KAT6B: variants seen among roughly 807,000 people sequenced by gnomAD.
KAT6B encodes lysine acetyltransferase 6B.
Under a neutral mutation model 187.5 loss-of-function variants are expected in KAT6B, and 10 were observed. The ratio of observed to expected loss-of-function variants is 0.05; its 90% CI spans 0.03 to 0.09. KAT6B has a LOEUF of 0.09. Among genes scored for constraint, KAT6B ranks in the 10% least tolerant of loss-of-function variants. The pLI is 1.00. For missense variants in KAT6B, 1,952 were observed against 2,558.9 expected, an observed-to-expected ratio of 0.76 and a Z score of 5.12; for synonymous variants, 861 against 926.8, an observed-to-expected ratio of 0.93 and a Z score of 1.29.
chr10:74,873,942 A>C (rs1463830937), intron 3 of KAT6B, among the ~76,000 whole-genome samples: 2 of 152,198 alleles, frequency 1.3e-5, no homozygotes, highest in Non-Finnish European at 1.5e-5. Flanking sequence ...ACCAAAATAT[A>C]GGCATGAAAT....
chr10:74,878,360 A>G (rs943973250), intron 3 of KAT6B, among the ~76,000 whole-genome samples: 4 of 152,174 alleles, frequency 2.6e-5, no homozygotes, highest in Non-Finnish European at 4.4e-5. Flanking sequence ...AACTAATGCT[A>G]ATGTTGCGGG....
chr10:74,945,013 C>T (rs1206706858), intron 3 of KAT6B, among the ~76,000 whole-genome samples: 1 of 152,158 alleles, frequency 6.6e-6, no homozygotes, highest in East Asian at 1.9e-4. Context: ...CTAGCAGTTC[C>T]ACTCCTAGGT....
At chr10:74,911,973 T>C (rs1489005351) in intron 3 of KAT6B, among the ~76,000 whole-genome samples, 2 of 152,106 alleles carry the variant, frequency 1.3e-5, no homozygotes, top group Admixed American at 1.3e-4. Context: ...GCCCACCTAA[T>C]TTTTAATTTT....
At chr10:75,011,702 AG>A (rs1161046335) in intron 13 of KAT6B, among the ~76,000 whole-genome samples, 3 of 152,194 alleles carry the variant, frequency 2.0e-5, no homozygotes, top group Non-Finnish European at 4.4e-5. Context: ...TATCATAGTC[AG>A]TCACCTTATT....
chr10:75,021,128 T>C lies in KAT6B; in HGVS notation c.2864T>C (p.Phe955Ser). The C allele has an allele frequency of 6.2e-7, 1 of 1,613,924 alleles. No homozygotes were observed. The highest frequency in any genetic ancestry group is 1.1e-5 in the South Asian group (1 of 91,080). The change falls in exon 15 of 18, where the codon TTT (phenylalanine) becomes TCT (serine). Residue 955 changes from phenylalanine to serine, a missense_variant and splice_region_variant. By Grantham distance (155) the Phe-to-Ser change is radical. This residue lies in a region of KAT6B where 758 missense variants were observed against 891.4 expected (regional missense o/e 0.85). Coordinates refer to ENST00000287239, the MANE Select transcript of KAT6B (RefSeq NM_012330.4). ...TGTTCTGCCTTATCACATTACAGAT[T>C]TGTCATCATTAGACGGGAAAAGTTG... ...LHMIDKRDGRFVIIRREKLIL... is the reference protein window; with the variant it reads ...LHMIDKRDGRSVIIRREKLIL...
chr10:74,981,173 A>G (rs1284593982), intron 10 of KAT6B, among the ~76,000 whole-genome samples: 1 of 152,212 alleles, frequency 6.6e-6, no homozygotes, highest in Non-Finnish European at 1.5e-5. Context: ...CTTTCTTTAT[A>G]TAGGATATTT....
chr10:75,031,074 G>C lies in KAT6B; in HGVS notation c.*28G>C. The C allele has an allele frequency of 6.2e-7, 1 of 1,612,448 alleles. No homozygotes were observed. The highest frequency in any genetic ancestry group is 8.5e-7 in the Non-Finnish European group (1 of 1,179,298). On this transcript the variant is annotated 3_prime_UTR_variant, in exon 18 of 18. Coordinates refer to ENST00000287239, the MANE Select transcript of KAT6B (RefSeq NM_012330.4). The stretch of plus-strand genomic sequence containing the variant: ...AACGTGGGCAGTCCACAAAACCTAC[G>C]GGGCATCACTATTGGATTGATCTGC...
chr10:74,940,738 A>G (rs1849611027), intron 3 of KAT6B, among the ~76,000 whole-genome samples: 1 of 152,036 alleles, frequency 6.6e-6, no homozygotes, highest in Non-Finnish European at 1.5e-5. Context: ...GCACCACTGC[A>G]CCCAGCCTTT....
chr10:74,873,736 C>A (rs1237702287), intron 3 of KAT6B, among the ~76,000 whole-genome samples: 3 of 151,974 alleles, frequency 2.0e-5, no homozygotes, highest in Non-Finnish European at 4.4e-5. Flanking sequence ...CTTGGTGCAC[C>A]CTGATGGTTG....
chr10:74,887,645 T>C (rs1298238402), intron 3 of KAT6B, among the ~76,000 whole-genome samples: 1 of 152,078 alleles, frequency 6.6e-6, no homozygotes, highest in Admixed American at 6.6e-5. Context: ...TTTTGAGCCA[T>C]GATGTCAGGC....
At chr10:74,828,192 C>T (rs1348178764) in intron 1 of KAT6B, among the ~76,000 whole-genome samples, 1 of 152,020 alleles carries the variant, frequency 6.6e-6, no homozygotes, top group African/African-American at 2.4e-5. Flanking sequence ...GGAGTTTAAG[C>T]CCTGTAATTG....
chr10:74,967,443 A>G (rs1485473796), intron 4 of KAT6B, among the ~76,000 whole-genome samples: 2 of 152,350 alleles, frequency 1.3e-5, no homozygotes, highest in Middle Eastern at 3.4e-3. Flanking sequence ...TCTAATTACT[A>G]TAGATTGTGC....
chr10:74,898,115 G>A (rs1322871193), intron 3 of KAT6B, among the ~76,000 whole-genome samples: 1 of 151,998 alleles, frequency 6.6e-6, no homozygotes, highest in Admixed American at 6.6e-5. Flanking sequence ...AGTGTTTATT[G>A]TAGAATGTTT....
chr10:74,830,015 TCAAAAAAAAAAAAA>T (rs1840622853), intron 1 of KAT6B, among the ~76,000 whole-genome samples: 2 of 111,632 alleles, frequency 1.8e-5, no homozygotes, highest in Admixed American at 8.8e-5. Flanking sequence ...AGACTCTGTC[TCAAAAAAAAAAAAA>T]CAAAAAAAAA....
At chr10:74,963,821 T>TA (rs1841270653) in intron 4 of KAT6B, among the ~76,000 whole-genome samples, 1 of 152,102 alleles carries the variant, frequency 6.6e-6, no homozygotes, top group South Asian at 2.1e-4. Flanking sequence ...AACCTAAAGA[T>TA]ATGATCCAAA....
At chr10:74,957,104 T>C (rs778947179) in intron 3 of KAT6B, among the ~76,000 whole-genome samples, 1 of 152,364 alleles carries the variant, frequency 6.6e-6, no homozygotes, top group East Asian at 1.9e-4. Context: ...GGGATTTTTT[T>C]AAACACAGTT....
At chr10:74,829,987 C>T (rs1400409271) in intron 1 of KAT6B, among the ~76,000 whole-genome samples, 12 of 144,112 alleles carry the variant, frequency 8.3e-5, no homozygotes, top group Admixed American at 1.4e-4. Flanking sequence ...CACTGCACTC[C>T]AGCCTGGCGA....
chr10:74,956,409 A>G lies in KAT6B; in HGVS notation c.622-3561A>G, dbSNP rs368773817. Reference sequence around the variant, plus strand: ...ACCTTTTCCCCATGGTAATTAATACATAATCCATGGTGTTTAGTGGTTACC... The same window carrying G: ...ACCTTTTCCCCATGGTAATTAATACGTAATCCATGGTGTTTAGTGGTTACC... On this transcript the variant is annotated intron_variant, in intron 3 of 17. Transcript: ENST00000287239. 2.6e-4 allele frequency among the ~76,000 whole-genome samples: 40 copies of G among 152,348 alleles called. No homozygotes were observed. In the East Asian group the frequency reaches 3.7e-3, roughly 14 times the overall value.
chr10:74,989,227 G>A (rs1842984201), intron 13 of KAT6B, 115 bp downstream of exon 13: 1 of 767,084 alleles, frequency 1.3e-6, no homozygotes, highest in South Asian at 1.4e-5. Context: ...AATAGATAAT[G>A]GGCTTTCTAT....
Sources: gnomAD v4.1 joint callset for allele counts (sites outside exome capture counted in the v4.1 genomes callset) on GRCh38, gnomAD v4.1.1 for gene constraint, gnomAD v4.1.1 regional missense constraint, MANE v1.5 for transcripts, NCBI Gene and HGNC (gene_info 2026-07-23, HGNC 2026-07-21) for gene names.